Variants in EFCAB14 observed in about 807,000 individuals in gnomAD.
EFCAB14 encodes the protein EF-hand calcium binding domain 14.
Under a neutral mutation model 56.5 loss-of-function variants are expected in EFCAB14, and 43 were observed. The ratio of observed to expected loss-of-function variants is 0.76; its 90% CI spans 0.60 to 0.98. The LOEUF (loss-of-function observed/expected upper bound fraction) is 0.98, where lower values mean the gene tolerates loss of function less well. EFCAB14 is among the 50% of genes least tolerant of loss of function. The pLI, the probability that EFCAB14 is intolerant of heterozygous loss-of-function variation, is 0.00. For missense variants in EFCAB14, 538 were observed against 580.3 expected (o/e 0.93, Z 0.75); for synonymous variants, 235 against 212.9 (o/e 1.10, Z -0.90).
Position 46,693,687 on chromosome 1 carries a change from A to AT in EFCAB14, c.580-1751dup, listed in dbSNP as rs368195768. Among the ~76,000 whole-genome samples the AT allele has an allele frequency of 3.2e-3, 485 of 150,402 alleles. 1 individual carries two copies. Among genetic ancestry groups the AT allele is most frequent in the Admixed American group, 5.0e-3 (76 of 15,066 alleles). On this transcript the variant is annotated intron_variant, in intron 4 of 10. Transcript: ENST00000371933. ...GAAGATAGTAAGCTCTTGTTTAAGG[A>AT]TTTTTTTTTTCTTTTCTTTTTTCCC...
In EFCAB14 at chr1:46,688,345, A is replaced by G; in HGVS notation, c.987+8T>C. The G allele has an allele frequency of 6.2e-6, 10 of 1,611,996 alleles. No individual in the cohort carries two copies. The highest frequency in any genetic ancestry group is 8.5e-6 in the Non-Finnish European group (10 of 1,178,634). On this transcript the variant is annotated splice_region_variant and intron_variant, in intron 7 of 10. Transcript: ENST00000371933. The stretch of plus-strand genomic sequence containing the variant: ...ACTGCATGTCACAAAAGATCAGAAA[A>G]GGCTTACCATGCTGAAGGACAGGTT...
intron 3 of EFCAB14, among the ~76,000 whole-genome samples, chr1:46,703,406 C>T (rs953430806): frequency 6.6e-6 from 1 of 152,198 alleles, no homozygotes; most frequent in African/African-American, 2.4e-5. Context: ...CTGTGCCCGG[C>T]CTGCTCAATT....
chr1:46,692,977 C>T (rs61782564), intron 4 of EFCAB14, among the ~76,000 whole-genome samples: 38,836 of 152,012 alleles, frequency 0.26, 5,183 homozygotes, highest in East Asian at 0.35. Flanking sequence ...GGCAGATGGC[C>T]GAGCTAACAC....
intron 9 of EFCAB14, chr1:46,684,223 T>A (rs1163682388): frequency 9.9e-6 from 4 of 405,496 alleles, no homozygotes; most frequent in African/African-American, 4.1e-5. Flanking sequence ...GACAGTAACA[T>A]TTTTGCCTAT....
At chr1:46,683,448 T>C in intron 9 of EFCAB14, 23 bp from the exon 10 acceptor site, 1 of 1,607,234 alleles carries the variant, frequency 6.2e-7, no homozygotes, top group Non-Finnish European at 8.5e-7. Flanking sequence ...CATAAGGTTT[T>C]ATTTAGTATT....
intron 5 of EFCAB14, among the ~76,000 whole-genome samples, chr1:46,690,400 G>A (rs556971518): frequency 2.0e-5 from 3 of 152,294 alleles, no homozygotes; most frequent in East Asian, 3.9e-4. Flanking sequence ...GGCAGCTATG[G>A]AAATTTAAAA....
chr1:46,703,159 G>A (rs1188849506), intron 3 of EFCAB14, among the ~76,000 whole-genome samples: 1 of 151,854 alleles, frequency 6.6e-6, no homozygotes, highest in Non-Finnish European at 1.5e-5. Context: ...GCCCAGGCTG[G>A]AGTGCAATGG....
chr1:46,712,517 T>C (rs900872129), intron 2 of EFCAB14, among the ~76,000 whole-genome samples: 1 of 152,124 alleles, frequency 6.6e-6, no homozygotes, highest in East Asian at 1.9e-4. Flanking sequence ...AGGCCAAGCC[T>C]ATCTGCTTTG....
intron 3 of EFCAB14, among the ~76,000 whole-genome samples, chr1:46,701,545 C>T (rs1677158134): frequency 6.6e-6 from 1 of 152,224 alleles, no homozygotes; most frequent in African/African-American, 2.4e-5. Flanking sequence ...TGGCAGAGTG[C>T]ATGGCTAATC....
chr1:46,716,534 C>T (rs3737731), intron 1 of EFCAB14, 91 bp from the exon 2 acceptor site: 377,402 of 1,439,518 alleles, frequency 0.26, 50,818 homozygotes, highest in East Asian at 0.35. Context: ...ATGCAATTAT[C>T]TCCTTTAAAT....
intron 3 of EFCAB14, among the ~76,000 whole-genome samples, chr1:46,699,783 G>A (rs1569714867): frequency 3.9e-5 from 6 of 152,172 alleles, no homozygotes; most frequent in Admixed American, 3.9e-4. Context: ...CCCTTCCCTA[G>A]AGTGTAGCCT....
At chr1:46,697,791 CAAAGA>C (rs1677097264) in intron 3 of EFCAB14, among the ~76,000 whole-genome samples, 1 of 151,212 alleles carries the variant, frequency 6.6e-6, no homozygotes, top group South Asian at 2.1e-4. Flanking sequence ...GACAGAAAAA[CAAAGA>C]AAAGAAATCA....
Position 46,702,658 on chromosome 1 carries a change from G to A in EFCAB14, c.480+5248C>T, listed in dbSNP as rs1301812629. On this transcript the variant is annotated intron_variant, in intron 3 of 10. Coordinates refer to ENST00000371933, the MANE Select transcript of EFCAB14 (RefSeq NM_014774.3). ...GGCACAAAGAAAGCATTTAATGAAT[G>A]GCAGTTATCGTCAATACCATCATCG... 3.3e-5 allele frequency among the ~76,000 whole-genome samples: 5 copies of A among 152,180 alleles called. No individual in the cohort carries two copies. The East Asian group carries it at 9.6e-4, about 29-fold the overall frequency.
intron 6 of EFCAB14, 29 bp downstream of exon 6, chr1:46,689,558 C>T (rs758683600): frequency 1.9e-6 from 3 of 1,609,076 alleles, no homozygotes; most frequent in East Asian, 2.2e-5. Flanking sequence ...ACTGTGGTCA[C>T]AGGGAGTTAA....
chr1:46,716,661 A>G (rs1677400442), intron 1 of EFCAB14, among the ~76,000 whole-genome samples: 1 of 152,222 alleles, frequency 6.6e-6, no homozygotes, highest in Admixed American at 6.5e-5. Flanking sequence ...CATAAAACAG[A>G]AGGAGTTCCT....
chr1:46,717,833 C>G (rs1677421193), intron 1 of EFCAB14, 70 bp downstream of exon 1: 3 of 1,515,578 alleles, frequency 2.0e-6, no homozygotes, highest in Non-Finnish European at 2.7e-6. Context: ...CTTTCTCCTT[C>G]CTGTCAATGT....
At chr1:46,706,764 G>T (rs1677239045) in intron 3 of EFCAB14, among the ~76,000 whole-genome samples, 1 of 152,136 alleles carries the variant, frequency 6.6e-6, no homozygotes, top group African/African-American at 2.4e-5. Context: ...AATACTAGAC[G>T]GCTGTAACTC....
intron 5 of EFCAB14, 21 bp from the exon 6 acceptor site, chr1:46,689,712 T>C (rs775704231): frequency 1.7e-5 from 27 of 1,602,618 alleles, no homozygotes; most frequent in African/African-American, 4.0e-5. Flanking sequence ...GAAAGAAGTT[T>C]AGTGTAGGCA....
At chr1:46,690,177 C>T (rs1676968582) in intron 5 of EFCAB14, among the ~76,000 whole-genome samples, 1 of 152,208 alleles carries the variant, frequency 6.6e-6, no homozygotes, top group African/African-American at 2.4e-5. Context: ...TAGTTTTTCC[C>T]TTATAGCATT....
Sources: gnomAD v4.1 joint callset for allele counts (sites outside exome capture counted in the v4.1 genomes callset) on GRCh38, gnomAD v4.1.1 for gene constraint, MANE v1.5 for transcripts, NCBI Gene and HGNC (gene_info 2026-07-23, HGNC 2026-07-21) for gene names.